Variants in RCOR1 observed in about 807,000 individuals in gnomAD.
The protein encoded by RCOR1 is REST corepressor 1, also known as REST corepressor.
RCOR1 carries 12 observed loss-of-function variants against 64.0 expected under a neutral mutation model. The ratio of observed to expected loss-of-function variants is 0.19; its 90% CI spans 0.12 to 0.30. RCOR1 has a LOEUF of 0.30. Among genes scored for constraint, RCOR1 ranks in the 10% least tolerant of loss-of-function variants. The pLI is 1.00. For synonymous variants in RCOR1, 279 were observed against 227.2 expected (o/e 1.23, Z -2.05); for missense variants, 502 against 621.2 (o/e 0.81, Z 2.04).
intron 8 of RCOR1, among the ~76,000 whole-genome samples, chr14:102,716,313 T>C (rs189836625): frequency 1.3e-5 from 2 of 152,340 alleles, no homozygotes; most frequent in Admixed American, 1.3e-4. Context: ...GTATTTTAAA[T>C]GCTGTAAATA....
chr14:102,602,302 G>T (rs1893418117), intron 2 of RCOR1, among the ~76,000 whole-genome samples: 1 of 151,400 alleles, frequency 6.6e-6, no homozygotes, highest in Non-Finnish European at 1.5e-5. Flanking sequence ...TTTTCACCTT[G>T]TCTTCGTCAT....
At chr14:102,676,816 G>T in intron 2 of RCOR1, among the ~76,000 whole-genome samples, 1 of 79,300 alleles carries the variant, frequency 1.3e-5, no homozygotes, top group East Asian at 4.3e-4. Context: ...GGGCAGAGGC[G>T]CCCCTCACCT....
intron 6 of RCOR1, chr14:102,710,624 G>C (rs1323618758): frequency 1.2e-5 from 3 of 256,446 alleles, no homozygotes; most frequent in Non-Finnish European, 2.2e-5. Context: ...ACATGTAAAT[G>C]CATTTTCATT....
chr14:102,674,969 G>A (rs1477789311), intron 2 of RCOR1, among the ~76,000 whole-genome samples: 3 of 141,812 alleles, frequency 2.1e-5, no homozygotes, highest in Non-Finnish European at 3.0e-5. Context: ...GCAGGAGAAT[G>A]ACATGAACCC....
chr14:102,636,965 C>A (rs1894253516), intron 2 of RCOR1, among the ~76,000 whole-genome samples: 1 of 151,772 alleles, frequency 6.6e-6, no homozygotes, highest in South Asian at 2.1e-4. Flanking sequence ...GAGTGAAACT[C>A]TGTTTCAAAA....
intron 2 of RCOR1, among the ~76,000 whole-genome samples, chr14:102,597,753 C>G (rs1412010749): frequency 6.6e-6 from 1 of 151,440 alleles, no homozygotes; most frequent in Non-Finnish European, 1.5e-5. Flanking sequence ...CCTGCCTCAG[C>G]CTCCTCAGTA....
At chr14:102,656,372 C>T (rs1442462873) in intron 2 of RCOR1, among the ~76,000 whole-genome samples, 3 of 151,168 alleles carry the variant, frequency 2.0e-5, no homozygotes, top group Admixed American at 6.6e-5. Context: ...CTCCTGACCT[C>T]AAGCGATCCG....
At chr14:102,638,828 A>G (rs977032057) in intron 2 of RCOR1, among the ~76,000 whole-genome samples, 2 of 148,396 alleles carry the variant, frequency 1.3e-5, no homozygotes, top group African/African-American at 2.5e-5. Context: ...ACATCCGGGT[A>G]ATGTTTGTAT....
intron 2 of RCOR1, chr14:102,662,328 A>C: frequency 1.8e-6 from 1 of 565,124 alleles, no homozygotes. Flanking sequence ...ATCAGGCCGA[A>C]TCAGGGTGTT....
At position 102,727,281 on chromosome 14, in the gene RCOR1, A is replaced by ACCC. The variant is rs11380772; in HGVS notation, c.*781_*783dup. ...GTGGTTGCCACCCCATCTTTTCCTG[A>ACCC]CCCCCCCCACCCCCCCACCTCCAAG... On this transcript the variant is annotated 3_prime_UTR_variant, in exon 12 of 12. Coordinates refer to ENST00000262241, the MANE Select transcript of RCOR1 (RefSeq NM_015156.4). 3 of 118,172 alleles carry ACCC rather than the reference A, an allele frequency of 2.5e-5. No individual in the cohort carries two copies. The highest frequency in any genetic ancestry group is 5.3e-5 in the Non-Finnish European group (3 of 56,726). 7.3% of individuals were successfully genotyped at this position (118,172 alleles called of 1,614,324 possible).
chr14:102,661,271 C>T (rs1894818742), intron 2 of RCOR1, among the ~76,000 whole-genome samples: 1 of 152,058 alleles, frequency 6.6e-6, no homozygotes, highest in Non-Finnish European at 1.5e-5. Context: ...TTGCCTCAAC[C>T]CAGGAGGCGC....
rs1283166938 is a variant in RCOR1, at chr14:102,729,454, TGCC to T, written c.*2951_*2953del. 1 of 156,328 alleles carries T rather than the reference TGCC, an allele frequency of 6.4e-6. No individual in the cohort carries two copies. The highest frequency in any genetic ancestry group is 1.9e-4 in the East Asian group (1 of 5,370). The allele number at this position is 156,328 out of a possible 1,614,324, so 9.7% of individuals were successfully genotyped here. On this transcript the variant is annotated 3_prime_UTR_variant, in exon 12 of 12. Coordinates refer to ENST00000262241, the MANE Select transcript of RCOR1 (RefSeq NM_015156.4). The stretch of plus-strand genomic sequence containing the variant: ...CAGTCGGGTGCTAGTGTAACACAAA[TGCC>T]GCGTTGTCTGGGTGTACAGTGTTTG...
At chr14:102,704,593 G>T (rs888649196) in intron 4 of RCOR1, among the ~76,000 whole-genome samples, 1 of 152,050 alleles carries the variant, frequency 6.6e-6, no homozygotes, top group African/African-American at 2.4e-5. Flanking sequence ...CACCATGCCC[G>T]GCTAATTTTT....
At chr14:102,676,765 T>G (rs1432774290) in intron 2 of RCOR1, among the ~76,000 whole-genome samples, 1 of 76,582 alleles carries the variant, frequency 1.3e-5, no homozygotes, top group Non-Finnish European at 2.5e-5. Context: ...ACGGGGCGGC[T>G]GGCCGGGCAG....
intron 2 of RCOR1, among the ~76,000 whole-genome samples, chr14:102,610,355 A>T (rs1444550314): frequency 6.6e-6 from 1 of 152,086 alleles, no homozygotes; most frequent in African/African-American, 2.4e-5. Context: ...ATTGAAATTT[A>T]AATTAATTAA....
At chr14:102,632,090 G>C (rs547758970) in intron 2 of RCOR1, among the ~76,000 whole-genome samples, 3 of 151,090 alleles carry the variant, frequency 2.0e-5, no homozygotes, top group Non-Finnish European at 4.4e-5. Flanking sequence ...GATTACAGGC[G>C]TGAGCCACCG....
chr14:102,707,633 CT>C, intron 5 of RCOR1, 121 bp downstream of exon 5: 1 of 888,218 alleles, frequency 1.1e-6, no homozygotes, highest in South Asian at 1.8e-5. Flanking sequence ...TAAAGTTCCC[CT>C]TTAGATTCAG....
intron 2 of RCOR1, among the ~76,000 whole-genome samples, chr14:102,624,197 CATAA>C (rs909436007): frequency 2.7e-5 from 4 of 147,246 alleles, no homozygotes; most frequent in African/African-American, 5.0e-5. Flanking sequence ...CTCCGTCTCA[CATAA>C]ATAAATAAAT....
intron 2 of RCOR1, among the ~76,000 whole-genome samples, chr14:102,674,774 T>C (rs1193755931): frequency 2.0e-5 from 3 of 152,130 alleles, no homozygotes; most frequent in Non-Finnish European, 4.4e-5. Flanking sequence ...TCTTTAAAAC[T>C]TGATAAAAAT....
Sources: allele counts gnomAD v4.1 joint callset (sites outside exome capture counted in the v4.1 genomes callset), GRCh38; gene constraint gnomAD v4.1.1; transcripts MANE v1.5; gene names NCBI Gene and HGNC (gene_info 2026-07-23, HGNC 2026-07-21).